The following CDON variants were observed in gnomAD, a reference collection of about 807,000 sequenced individuals.
CDON encodes cell adhesion molecule-related/down-regulated by oncogenes.
CDON carries 73 observed loss-of-function variants against 120.9 expected under a neutral mutation model. The observed-to-expected ratio is 0.60, with a 90% CI of 0.50 to 0.73. CDON has a LOEUF of 0.73. Ranked by LOEUF, CDON falls within the 30% of genes least tolerant of loss-of-function variation. The pLI is 0.00. For synonymous variants in CDON, 566 were observed against 573.5 expected (o/e 0.99, Z 0.19); for missense variants, 1,470 against 1,587.3 (o/e 0.93, Z 1.26).
chr11:125,974,735 C>T (rs1372238641), intron 18 of CDON, among the ~76,000 whole-genome samples: 4 of 152,126 alleles, frequency 2.6e-5, no homozygotes, highest in African/African-American at 9.7e-5. Flanking sequence ...ATTCTACCCC[C>T]TGAAGCCAAG....
intron 16 of CDON, 97 bp from the exon 17 acceptor site, chr11:125,981,426 A>G (rs1946298220): frequency 2.0e-6 from 2 of 1,000,660 alleles, no homozygotes; most frequent in Non-Finnish European, 2.9e-6. Flanking sequence ...ACATACGCAC[A>G]CACGCACACA....
chr11:126,006,214 T>A (rs1430682890), intron 8 of CDON, among the ~76,000 whole-genome samples, 157 bp from the exon 9 acceptor site: 2 of 152,192 alleles, frequency 1.3e-5, no homozygotes, highest in Non-Finnish European at 2.9e-5. Flanking sequence ...CATGGAAATG[T>A]TTAACCTCTA....
intron 1 of CDON, among the ~76,000 whole-genome samples, chr11:126,050,340 C>A (rs1348083705): frequency 1.3e-5 from 2 of 151,886 alleles, no homozygotes; most frequent in Non-Finnish European, 2.9e-5. Flanking sequence ...TTCCAAATAA[C>A]ACTTTTCTCC....
In CDON at chr11:126,034,280, G is replaced by A. The variant is rs1021940527; in HGVS notation, c.-61-10743C>T. ...CTGCCAAAAGTAGAGGAAGAAAATG[G>A]AAGTGACTTGGAGTTATGGCACCAA... On this transcript the variant is annotated intron_variant, in intron 1 of 19. Coordinates refer to ENST00000531738, the MANE Select transcript of CDON (RefSeq NM_001378964.1). This position sits in a 1 kb window ranked among gnomAD's most constrained non-coding sequence, Gnocchi z 4.5. Among the ~76,000 whole-genome samples the A allele has an allele frequency of 1.3e-5, 2 of 152,058 alleles. No homozygotes were observed. The highest frequency in any genetic ancestry group is 1.5e-5 in the Non-Finnish European group (1 of 68,018).
intron 18 of CDON, among the ~76,000 whole-genome samples, chr11:125,967,123 A>G (rs1565489715): frequency 6.6e-6 from 1 of 152,214 alleles, no homozygotes; most frequent in Non-Finnish European, 1.5e-5. Context: ...TAATGTTAAT[A>G]TCTTAGAGGA....
intron 1 of CDON, among the ~76,000 whole-genome samples, chr11:126,038,712 CTATT>C (rs915615969): frequency 1.3e-5 from 2 of 151,726 alleles, no homozygotes; most frequent in African/African-American, 4.8e-5. Context: ...AATTTGAAAA[CTATT>C]TAGTTGCAAA....
chr11:125,988,231 A>C (rs993143161), intron 15 of CDON, among the ~76,000 whole-genome samples: 2 of 151,928 alleles, frequency 1.3e-5, no homozygotes, highest in African/African-American at 4.8e-5. Context: ...GTTGGGGGAA[A>C]TTTTCCTTGT....
chr11:126,062,656 CG>C lies in CDON; in HGVS notation c.-140del. The C allele has an allele frequency of 6.5e-6, 1 of 153,196 alleles. No individual in the cohort carries two copies. The allele number at this position is 153,196 out of a possible 1,614,324, so 9.5% of individuals were successfully genotyped here. ...GAAAGCCACCCCCAGGTCATCCCCC[CG>C]CGCGCGCGCGGCGGCGGCTACGGTG... On this transcript the variant is annotated 5_prime_UTR_variant, in exon 1 of 20. An upstream open reading frame in the 5' UTR loses its in-frame stop. Coordinates refer to ENST00000531738, the MANE Select transcript of CDON (RefSeq NM_001378964.1).
intron 14 of CDON, among the ~76,000 whole-genome samples, chr11:125,990,465 A>G (rs1020019478): frequency 7.2e-5 from 11 of 152,204 alleles, no homozygotes; most frequent in Non-Finnish European, 1.6e-4. Context: ...TGAACACTCC[A>G]GTAGAAATCA....
Position 126,001,744 on chromosome 11 carries a change from A to T in CDON, c.2133T>A (p.Leu711=), listed in dbSNP as rs539356298. 6.2e-7 allele frequency: 1 copy of T among 1,613,638 alleles called. No homozygotes were observed. Among genetic ancestry groups the T allele is most frequent in the South Asian group, 1.1e-5 (1 of 91,072 alleles). ...EAANNNFGVV[L]TDSSRHSGVP... ...CTCCACTGTGCCTAGAGGAATCTGT[A>T]AGTACCACTCCAAAATTGTTGTTTG... The change falls in exon 11 of 20, where the codon CTT becomes CTA. Residue 711 remains leucine, a synonymous_variant. Coordinates refer to ENST00000531738, the MANE Select transcript of CDON (RefSeq NM_001378964.1).
intron 15 of CDON, among the ~76,000 whole-genome samples, chr11:125,988,670 C>T (rs937885303): frequency 1.3e-5 from 2 of 152,164 alleles, no homozygotes; most frequent in African/African-American, 4.8e-5. Context: ...AGTGGTTTTG[C>T]TCGTAAACAT....
intron 15 of CDON, among the ~76,000 whole-genome samples, chr11:125,989,028 C>G (rs565516791): frequency 6.6e-6 from 1 of 151,582 alleles, no homozygotes; most frequent in Admixed American, 6.6e-5. Flanking sequence ...CAGTGAGATG[C>G]CGTCTCTAAA....
chr11:125,989,535 C>G (rs1946567443), intron 15 of CDON, 102 bp downstream of exon 15: 1 of 1,181,500 alleles, frequency 8.5e-7, no homozygotes, highest in Non-Finnish European at 1.2e-6. Context: ...GACCGTGTCT[C>G]AAAACAAGAC....
At position 125,991,428 on chromosome 11, in the gene CDON, G is replaced by T. The variant is rs539566360; in HGVS notation, c.2651-1669C>A. ...AACCAAAACACAGACTTAAAGATCA[G>T]AATGACTGATATTTTACTTGGAATT... On this transcript the variant is annotated intron_variant, in intron 14 of 19. Coordinates refer to ENST00000531738, the MANE Select transcript of CDON (RefSeq NM_001378964.1). Among the ~76,000 whole-genome samples, 19 of 152,188 alleles carry T rather than the reference G, an allele frequency of 1.2e-4. 1 individual carries two copies. Among genetic ancestry groups the T allele is most frequent in the African/African-American group, 1.4e-4 (6 of 41,530 alleles).
intron 11 of CDON, among the ~76,000 whole-genome samples, chr11:126,001,346 C>T (rs576085343): frequency 3.4e-4 from 51 of 152,118 alleles, no homozygotes; most frequent in African/African-American, 1.2e-3. Flanking sequence ...TGCCACCACA[C>T]CCAGCTAATT....
chr11:125,998,148 T>C (rs1376069401), intron 11 of CDON, among the ~76,000 whole-genome samples: 3 of 152,218 alleles, frequency 2.0e-5, no homozygotes, highest in Non-Finnish European at 4.4e-5. Context: ...ACCAGGTAGA[T>C]GGTCTAGACT....
chr11:126,039,459 C>A (rs1385959255), intron 1 of CDON, among the ~76,000 whole-genome samples: 25 of 152,160 alleles, frequency 1.6e-4, no homozygotes, highest in Admixed American at 1.6e-3. Context: ...ATAAATGCAG[C>A]TTAAGTTTTT....
chr11:125,980,166 C>T (rs1238923771), intron 17 of CDON, among the ~76,000 whole-genome samples: 1 of 152,162 alleles, frequency 6.6e-6, no homozygotes, highest in African/African-American at 2.4e-5. Flanking sequence ...TATAGATGTG[C>T]ATCCAAACAA....
Position 125,960,973 on chromosome 11 carries a change from G to A in CDON, c.3764C>T (p.Thr1255Ile), listed in dbSNP as rs1378612877. The change falls in exon 20 of 20, where the codon ACA (threonine) becomes ATA (isoleucine). Residue 1255 changes from threonine to isoleucine, a missense_variant. By Grantham distance (89) the Thr-to-Ile change is moderately conservative. Coordinates refer to ENST00000531738, the MANE Select transcript of CDON (RefSeq NM_001378964.1). ...TTCCCGGGGCTGCTGAAGGACCTCT[G>A]TCGGGCTGTCTAAAGGAATGCCAGG... Reference protein sequence around the residue: ...SPPGIPLDSPTEVLQQPRET With the variant: ...SPPGIPLDSPIEVLQQPRET The A allele has an allele frequency of 4.3e-6, 7 of 1,614,120 alleles. No individual in the cohort carries two copies. In the East Asian group the frequency reaches 1.1e-4, roughly 26 times the overall value.
Sources: gnomAD v4.1 joint callset for allele counts (sites outside exome capture counted in the v4.1 genomes callset) on GRCh38, gnomAD v4.1.1 for gene constraint, Gnocchi (gnomAD v3.1) non-coding constraint, MANE v1.5 for transcripts, NCBI Gene and HGNC (gene_info 2026-07-23, HGNC 2026-07-21) for gene names.